PLA2G5: variants seen among roughly 807,000 people sequenced by gnomAD.
PLA2G5 encodes the protein Ca2+-dependent phospholipase A2.
In PLA2G5, 12 loss-of-function variants were observed where a neutral mutation model predicts 15.9. That is an observed-to-expected ratio of 0.76 (90% confidence interval 0.48 to 1.23). PLA2G5 has a LOEUF of 1.23. PLA2G5 is among the 50% of genes most tolerant of loss of function. The pLI, the probability that PLA2G5 is intolerant of heterozygous loss-of-function variation, is 0.00. For synonymous variants in PLA2G5, 71 were observed against 71.4 expected (o/e 0.99, Z 0.03); for missense variants, 169 against 177.1 (o/e 0.95, Z 0.26).
At chr1:20,076,423 T>G (rs2015683891) in intron 1 of PLA2G5, among the ~76,000 whole-genome samples, 1 of 152,206 alleles carries the variant, frequency 6.6e-6, no homozygotes, top group South Asian at 2.1e-4. Flanking sequence ...CGTGACACTC[T>G]GGTTAGATGT....
chr1:20,061,586 CAAAAAAAAAA>C (rs35346493), intron 2 of PLA2G5, among the ~76,000 whole-genome samples: 4 of 67,754 alleles, frequency 5.9e-5, no homozygotes, highest in Non-Finnish European at 1.1e-4. Flanking sequence ...ACCCTGTCTC[CAAAAAAAAAA>C]AAAAAAAAAA....
rs769426019 is a variant in PLA2G5 at position 20,049,095 on chromosome 1, G to GT, written n.277-10531dup. On this transcript the variant is annotated intron_variant and non_coding_transcript_variant, in intron 1 of 6. Coordinates refer to the PLA2G5 transcript ENST00000460175. The stretch of plus-strand genomic sequence containing the variant: ...AAGGAAAGTTATAAAAATAAAGAGG[G>GT]TTTTTTCTGGTAAGAAAGCTTAAAG... 3.7e-4 allele frequency among the ~76,000 whole-genome samples: 56 copies of GT among 152,144 alleles called. 1 individual carries two copies. Among genetic ancestry groups the GT allele is most frequent in the Non-Finnish European group, 5.7e-4 (39 of 67,966 alleles).
chr1:20,031,073 G>A (rs1384222897), intron 1 of PLA2G5, among the ~76,000 whole-genome samples: 1 of 152,206 alleles, frequency 6.6e-6, no homozygotes, highest in Non-Finnish European at 1.5e-5. Flanking sequence ...GATGAAGGCT[G>A]TTTGGTTTTG....
upstream of PLA2G5, among the ~76,000 whole-genome samples, chr1:20,068,626 T>C (rs2015178221): frequency 6.6e-6 from 1 of 151,920 alleles, no homozygotes; most frequent in African/African-American, 2.4e-5. Context: ...TAATTTTATA[T>C]TTTTAGTAGA....
At chr1:20,064,503 A>G (rs967869913) in intron 2 of PLA2G5, among the ~76,000 whole-genome samples, 1 of 151,474 alleles carries the variant, frequency 6.6e-6, no homozygotes, top group African/African-American at 2.4e-5. Flanking sequence ...TGAACCTGGG[A>G]GGCGGAGGTT....
At chr1:20,053,762 C>T (rs1569696895) in intron 1 of PLA2G5, among the ~76,000 whole-genome samples, 1 of 152,148 alleles carries the variant, frequency 6.6e-6, no homozygotes, top group South Asian at 2.1e-4. Context: ...CTGTGCAGTA[C>T]CTCTGTTACC....
At chr1:20,039,184 G>A (rs1052746228) in intron 1 of PLA2G5, among the ~76,000 whole-genome samples, 22 of 152,198 alleles carry the variant, frequency 1.4e-4, no homozygotes, top group African/African-American at 5.3e-4. Flanking sequence ...GGCCTGAATT[G>A]TAGCTGTGAT....
chr1:20,084,683 G>C (rs775032343), intron 1 of PLA2G5, 138 bp from the exon 2 acceptor site: 2 of 694,868 alleles, frequency 2.9e-6, no homozygotes, highest in South Asian at 1.7e-5. Context: ...ATCTTTTCTG[G>C]CTGGACTCAT....
chr1:20,088,001 C>T (rs1454790854), intron 3 of PLA2G5, among the ~76,000 whole-genome samples: 1 of 152,156 alleles, frequency 6.6e-6, no homozygotes, highest in African/African-American at 2.4e-5. Context: ...ACCAGTACCC[C>T]CTCAAAACAG....
chr1:20,080,486 G>A (rs1163681850), intron 1 of PLA2G5, among the ~76,000 whole-genome samples: 1 of 152,176 alleles, frequency 6.6e-6, no homozygotes, highest in East Asian at 1.9e-4. Context: ...GGAGGTTGAG[G>A]CAGGACAATT....
intron 3 of PLA2G5, among the ~76,000 whole-genome samples, chr1:20,086,553 C>T (rs1279224442): frequency 6.6e-6 from 1 of 152,222 alleles, no homozygotes; most frequent in Non-Finnish European, 1.5e-5. Context: ...GGACAATCCA[C>T]CTTCCAGATG....
intron 1 of PLA2G5, among the ~76,000 whole-genome samples, chr1:20,077,850 T>G (rs943697278): frequency 1.3e-5 from 2 of 152,208 alleles, no homozygotes; most frequent in Non-Finnish European, 2.9e-5. Flanking sequence ...GGTTGCTGTA[T>G]TCAGTCATTC....
chr1:20,068,212 T>C (rs2015152035), upstream of PLA2G5, among the ~76,000 whole-genome samples: 1 of 152,220 alleles, frequency 6.6e-6, no homozygotes, highest in Non-Finnish European at 1.5e-5. Context: ...AATCATTGAC[T>C]TTCCTTACGG....
At chr1:20,030,586 A>C (rs1016034677) in intron 1 of PLA2G5, among the ~76,000 whole-genome samples, 1 of 151,684 alleles carries the variant, frequency 6.6e-6, no homozygotes, top group African/African-American at 2.4e-5. Context: ...CCTCCTCAGC[A>C]CAGGCCCTTT....
At chr1:20,036,435 T>A (rs943792617) in intron 1 of PLA2G5, among the ~76,000 whole-genome samples, 1 of 152,130 alleles carries the variant, frequency 6.6e-6, no homozygotes, top group Non-Finnish European at 1.5e-5. Context: ...GTTCATTTTT[T>A]AAAAATTCTT....
chr1:20,071,153 C>T (rs1024574658), intron 1 of PLA2G5, among the ~76,000 whole-genome samples: 1 of 152,164 alleles, frequency 6.6e-6, no homozygotes, highest in Middle Eastern at 3.2e-3. Context: ...CTCAGTGTCC[C>T]AATCTGCAAA....
chr1:20,034,390 A>G (rs2013134410), intron 1 of PLA2G5, among the ~76,000 whole-genome samples: 1 of 152,198 alleles, frequency 6.6e-6, no homozygotes, highest in Non-Finnish European at 1.5e-5. Flanking sequence ...TTTGGATCCA[A>G]TACAGAAAAG....
upstream of PLA2G5, among the ~76,000 whole-genome samples, chr1:20,065,680 T>C (rs1374245193): frequency 6.6e-6 from 1 of 152,270 alleles, no homozygotes; most frequent in East Asian, 1.9e-4. Flanking sequence ...CATTCATCTA[T>C]TGAAAACTCT....
intron 1 of PLA2G5, among the ~76,000 whole-genome samples, chr1:20,075,974 C>T (rs892336681): frequency 1.1e-4 from 16 of 150,076 alleles, no homozygotes; most frequent in Admixed American, 1.0e-3. Context: ...CGGGTTCAAG[C>T]GATTCTCCTG....
Sources: allele counts gnomAD v4.1 joint callset (sites outside exome capture counted in the v4.1 genomes callset), GRCh38; gene constraint gnomAD v4.1.1; transcripts MANE v1.5; gene names NCBI Gene and HGNC (gene_info 2026-07-23, HGNC 2026-07-21).